BIRC6: variants seen among roughly 807,000 people sequenced by gnomAD.
BIRC6 encodes the protein baculoviral IAP repeat containing 6.
In BIRC6, 98 loss-of-function variants were observed where a neutral mutation model predicts 503.3. That is an observed-to-expected ratio of 0.19 (90% CI 0.17 to 0.23). The LOEUF (loss-of-function observed/expected upper bound fraction) is 0.23. BIRC6 is among the 10% of genes least tolerant of loss of function. The pLI is 1.00. For missense variants in BIRC6, 5,360 were observed against 5,806.0 expected (o/e 0.92, Z 2.50); for synonymous variants, 2,240 against 2,078.7 (o/e 1.08, Z -2.11).
chr2:32,486,870 T>C (rs2051052076), intron 40 of BIRC6, among the ~76,000 whole-genome samples: 1 of 152,232 alleles, frequency 6.6e-6, no homozygotes, highest in South Asian at 2.1e-4. Context: ...CCAGGCAATA[T>C]GGGGATCCCT....
Position 32,469,388 on chromosome 2 carries a change from GT to G in BIRC6, c.6128-6del. On this transcript the variant is annotated splice_polypyrimidine_tract_variant and splice_region_variant and intron_variant, in intron 29 of 73. Coordinates refer to ENST00000421745, the MANE Select transcript of BIRC6 (RefSeq NM_016252.4). Reference sequence around the variant, plus strand: ...AGGAAAGTTTACTGTTTTCTTTCTTGTAATAGGACACTCTGTTCCTGCAGTT... The same window carrying G: ...AGGAAAGTTTACTGTTTTCTTTCTTGAATAGGACACTCTGTTCCTGCAGTT... 1 of 1,604,038 alleles carries G rather than the reference GT, an allele frequency of 6.2e-7. No individual in the cohort carries two copies. Among genetic ancestry groups the G allele is most frequent in the East Asian group, 2.2e-5 (1 of 44,782 alleles).
At chr2:32,422,879 G>GT (rs899656141) in intron 10 of BIRC6, among the ~76,000 whole-genome samples, 10 of 152,032 alleles carry the variant, frequency 6.6e-5, no homozygotes, top group Non-Finnish European at 1.5e-4. Context: ...GTTTATTTCT[G>GT]TTTTTTTCTG....
intron 22 of BIRC6, 49 bp downstream of exon 22, chr2:32,448,977 T>C: frequency 6.4e-7 from 1 of 1,556,656 alleles, no homozygotes; most frequent in Non-Finnish European, 8.7e-7. Flanking sequence ...TATCTTGGAT[T>C]TAAGTTGCCA....
intron 1 of BIRC6, among the ~76,000 whole-genome samples, chr2:32,365,812 G>A (rs1573655232): frequency 2.0e-5 from 3 of 152,078 alleles, no homozygotes; most frequent in South Asian, 2.1e-4. Context: ...TTAATTAATT[G>A]AGAAAATATT....
intron 72 of BIRC6, among the ~76,000 whole-genome samples, chr2:32,610,618 C>A (rs1289877805): frequency 6.6e-6 from 1 of 152,102 alleles, no homozygotes; most frequent in Non-Finnish European, 1.5e-5. Flanking sequence ...ATCTTTTCGC[C>A]TGGTTACTTA....
At chr2:32,586,339 T>C (rs1034839638) in intron 66 of BIRC6, among the ~76,000 whole-genome samples, 1 of 151,808 alleles carries the variant, frequency 6.6e-6, no homozygotes, top group Admixed American at 6.6e-5. Flanking sequence ...ATGATCACTT[T>C]ATTCTTTATC....
At chr2:32,424,722 A>G (rs968305632) in intron 10 of BIRC6, among the ~76,000 whole-genome samples, 10 of 152,050 alleles carry the variant, frequency 6.6e-5, no homozygotes, top group African/African-American at 2.4e-4. Context: ...CATGTTGACC[A>G]TGCTGGTCTC....
chr2:32,496,200 A>G (rs745535050), intron 45 of BIRC6, among the ~76,000 whole-genome samples: 8 of 151,604 alleles, frequency 5.3e-5, no homozygotes, highest in Non-Finnish European at 7.4e-5. Flanking sequence ...TCAAATATCA[A>G]TCAATGATAC....
chr2:32,530,296 C>T (rs759753693), intron 60 of BIRC6, among the ~76,000 whole-genome samples: 13 of 152,066 alleles, frequency 8.5e-5, no homozygotes, highest in East Asian at 1.9e-4. Flanking sequence ...CTGCAACCTC[C>T]GCCTCCCGAG....
chr2:32,488,692 A>T lies in BIRC6; in HGVS notation c.8073A>T (p.Ile2691=). The T allele has an allele frequency of 7.0e-7, 1 of 1,431,722 alleles. No individual in the cohort carries two copies. The highest frequency in any genetic ancestry group is 9.5e-7 in the Non-Finnish European group (1 of 1,054,384). 88.7% of individuals were successfully genotyped at this position (1,431,722 alleles called of 1,614,324 possible). A position where few individuals can be genotyped will look rare whatever the true frequency, so the allele number is the denominator to read the frequency against. ...ADIFLYNANR[I]PVISLNQASI... ...TATTTTTATATAATGCTAATAGGATACCTGTTATTTCATTAAATCAAGGTA... is the reference window on the plus strand; with the variant it reads ...TATTTTTATATAATGCTAATAGGATTCCTGTTATTTCATTAAATCAAGGTA... The change falls in exon 42 of 74, where the codon ATA becomes ATT. Residue 2691 remains isoleucine, a synonymous_variant. Transcript: ENST00000421745.
chr2:32,439,225 A>G (rs1489066219), intron 15 of BIRC6, among the ~76,000 whole-genome samples: 2 of 151,908 alleles, frequency 1.3e-5, no homozygotes, highest in Admixed American at 6.6e-5. Context: ...TGACATTTTT[A>G]CCATTAAAAT....
At chr2:32,391,811 G>A (rs3769600) in intron 4 of BIRC6, among the ~76,000 whole-genome samples, 76,868 of 152,064 alleles carry the variant, frequency 0.51, 19,861 homozygotes, top group East Asian at 0.67. Context: ...TACCCCTGGA[G>A]TTGTTTATCA....
intron 53 of BIRC6, among the ~76,000 whole-genome samples, chr2:32,511,371 G>A (rs2054414867): frequency 6.6e-6 from 1 of 150,604 alleles, no homozygotes; most frequent in African/African-American, 2.4e-5. Flanking sequence ...GCGCAGTGGT[G>A]CAATCTTGGC....
intron 71 of BIRC6, 29 bp downstream of exon 71, chr2:32,603,112 T>G (rs779353453): frequency 1.4e-5 from 22 of 1,577,418 alleles, no homozygotes; most frequent in Admixed American, 1.8e-5. Flanking sequence ...ACATTTTCAC[T>G]TAAGAAATAA....
rs148890143 is a variant in BIRC6, at chr2:32,409,924, G to A, written c.1477+3367G>A. Among the ~76,000 whole-genome samples the A allele has an allele frequency of 5.3e-4, 80 of 152,278 alleles. 1 individual carries two copies. Among genetic ancestry groups the A allele is most frequent in the Non-Finnish European group, 7.6e-4 (52 of 68,012 alleles). ...CATCAGTGTGCTTTGTCACCCTTCTGAGTAGAATGTATAGTTTATGCTGCT... is the reference window on the plus strand; with the variant it reads ...CATCAGTGTGCTTTGTCACCCTTCTAAGTAGAATGTATAGTTTATGCTGCT... On this transcript the variant is annotated intron_variant, in intron 9 of 73. Transcript: ENST00000421745.
chr2:32,388,875 C>T lies in BIRC6; in HGVS notation c.771C>T (p.Asp257=). 6.2e-7 allele frequency: 1 copy of T among 1,612,770 alleles called. No homozygotes were observed. The highest frequency in any genetic ancestry group is 8.5e-7 in the Non-Finnish European group (1 of 1,179,540). Residue 257 remains aspartate (D), a synonymous_variant, in exon 4 of 74, where the codon GAC becomes GAT. Coordinates refer to ENST00000421745, the MANE Select transcript of BIRC6 (RefSeq NM_016252.4). ...AALPVASSVM[D]RLSYLLPSAR... The stretch of plus-strand genomic sequence containing the variant: ...TACCTGTGGCGTCCTCAGTGATGGA[C>T]AGATTGTCTTACCTCTTACCTAGTG...
At chr2:32,445,082 G>T (rs2045814040) in intron 20 of BIRC6, among the ~76,000 whole-genome samples, 2 of 152,114 alleles carry the variant, frequency 1.3e-5, no homozygotes, top group African/African-American at 4.8e-5. Context: ...CACTAAAATG[G>T]GCTGTTTGAA....
chr2:32,419,302 AG>A (rs2042700769), intron 10 of BIRC6, among the ~76,000 whole-genome samples: 1 of 152,194 alleles, frequency 6.6e-6, no homozygotes, highest in Admixed American at 6.5e-5. Context: ...TGGAGAATCA[AG>A]TCTTTTCATA....
chr2:32,360,188 G>C (rs1034459084), intron 1 of BIRC6, among the ~76,000 whole-genome samples: 12 of 152,132 alleles, frequency 7.9e-5, no homozygotes. Context: ...TCTTATGGAC[G>C]CCTGGGGTTC....
Sources: gnomAD v4.1 joint callset for allele counts (sites outside exome capture counted in the v4.1 genomes callset) on GRCh38, gnomAD v4.1.1 for gene constraint, MANE v1.5 for transcripts, NCBI Gene and HGNC (gene_info 2026-07-23, HGNC 2026-07-21) for gene names.